OXR1: variants seen among roughly 807,000 people sequenced by gnomAD.
OXR1 encodes the protein oxidation resistance 1, also known as oxidation resistance protein 1.
A neutral mutation model predicts 104.6 loss-of-function variants in OXR1; 41 were observed. That is an observed-to-expected ratio of 0.39 (90% CI 0.31 to 0.51). The LOEUF is 0.51. Among genes scored for constraint, OXR1 ranks in the 20% least tolerant of loss-of-function variants. The probability of loss-of-function intolerance (pLI) is 0.77; values close to 1 mark genes in which losing one functional copy is unlikely to be tolerated. For missense variants in OXR1, 955 were observed against 1,031.9 expected, an observed-to-expected ratio of 0.93 and a Z score of 1.02; for synonymous variants, 348 against 348.4, an observed-to-expected ratio of 1.00 and a Z score of 0.01.
rs114473488 is a variant in OXR1 at position 106,632,234 on chromosome 8, G to C, written c.221-46976G>C. 5.1e-3 allele frequency among the ~76,000 whole-genome samples: 779 copies of C among 152,218 alleles called. 5 individuals carry two copies. The highest frequency in any genetic ancestry group is 0.017 in the African/African-American group (709 of 41,556). On this transcript the variant is annotated intron_variant, in intron 3 of 16. Coordinates refer to ENST00000517566, the MANE Select transcript of OXR1 (RefSeq NM_001198533.2). ...GTGAAAACAAATATTACCTTCAAGT[G>C]GTGTCTTCAAGTACATACCTAGTTT...
At chr8:106,457,370 A>G (rs1056683536) in intron 2 of OXR1, among the ~76,000 whole-genome samples, 5 of 152,240 alleles carry the variant, frequency 3.3e-5, no homozygotes, top group Non-Finnish European at 2.9e-5. Context: ...TTGATATTGG[A>G]CTTTCTAGTC....
chr8:106,274,049 A>G (rs1357118617), intron 1 of OXR1, among the ~76,000 whole-genome samples: 1 of 152,250 alleles, frequency 6.6e-6, no homozygotes, highest in African/African-American at 2.4e-5. Flanking sequence ...TCAGAGAAAA[A>G]TGTTAGACAA....
At chr8:106,283,773 AG>A (rs1812382790) in intron 1 of OXR1, among the ~76,000 whole-genome samples, 1 of 152,102 alleles carries the variant, frequency 6.6e-6, no homozygotes, top group South Asian at 2.1e-4. Flanking sequence ...TGGCTCTTTT[AG>A]GGTAAAATCT....
At chr8:106,617,791 A>G (rs1035743505) in intron 3 of OXR1, among the ~76,000 whole-genome samples, 11 of 152,206 alleles carry the variant, frequency 7.2e-5, no homozygotes, top group African/African-American at 2.4e-4. Context: ...CCATTTATTT[A>G]CTTTATGATA....
chr8:106,512,025 GT>G (rs1235428846), intron 2 of OXR1, among the ~76,000 whole-genome samples: 1 of 152,116 alleles, frequency 6.6e-6, no homozygotes, highest in African/African-American at 2.4e-5. Flanking sequence ...GAATGTTCAT[GT>G]TTGCTTTTTC....
chr8:106,536,600 C>T (rs1040646521), intron 3 of OXR1, among the ~76,000 whole-genome samples: 1 of 152,134 alleles, frequency 6.6e-6, no homozygotes, highest in African/African-American at 2.4e-5. Context: ...ATAGCAATCT[C>T]GCCAGCCATT....
At chr8:106,521,162 C>A (rs879935171) in intron 3 of OXR1, among the ~76,000 whole-genome samples, 1 of 152,092 alleles carries the variant, frequency 6.6e-6, no homozygotes, top group East Asian at 1.9e-4. Flanking sequence ...ATATTAGCAA[C>A]CGTATAATCA....
intron 2 of OXR1, among the ~76,000 whole-genome samples, chr8:106,455,183 C>G (rs549013674): frequency 6.1e-4 from 93 of 152,088 alleles, no homozygotes; most frequent in African/African-American, 2.2e-3. Context: ...CATCATTTAA[C>G]AAAGGATTTG....
At chr8:106,730,563 A>G (rs935113105) in intron 11 of OXR1, among the ~76,000 whole-genome samples, 2 of 152,046 alleles carry the variant, frequency 1.3e-5, no homozygotes, top group Non-Finnish European at 2.9e-5. Context: ...TTGACAGCTC[A>G]TTTCTTTTTA....
intron 6 of OXR1, 121 bp downstream of exon 6, chr8:106,684,480 G>A: frequency 1.6e-6 from 1 of 609,844 alleles, no homozygotes; most frequent in Non-Finnish European, 2.9e-6. Context: ...TTTTTATTTT[G>A]TTGCTTAAGT....
chr8:106,429,128 T>C (rs572795726), intron 2 of OXR1, among the ~76,000 whole-genome samples: 1 of 152,250 alleles, frequency 6.6e-6, no homozygotes, highest in African/African-American at 2.4e-5. Context: ...GCTCGCGTTC[T>C]GCCTCTTCCC....
At chr8:106,536,288 T>G (rs1445361524) in intron 3 of OXR1, among the ~76,000 whole-genome samples, 3 of 151,422 alleles carry the variant, frequency 2.0e-5, no homozygotes, top group Non-Finnish European at 3.0e-5. Context: ...GAAGCAGTTC[T>G]CTAGTTTGAC....
intron 3 of OXR1, among the ~76,000 whole-genome samples, chr8:106,628,451 G>A (rs1822368421): frequency 6.6e-6 from 1 of 151,964 alleles, no homozygotes; most frequent in Admixed American, 6.6e-5. Flanking sequence ...ACTTTCCCAA[G>A]GTCACACCTA....
At chr8:106,583,214 C>T (rs1375973646) in intron 3 of OXR1, among the ~76,000 whole-genome samples, 1 of 152,086 alleles carries the variant, frequency 6.6e-6, no homozygotes, top group Non-Finnish European at 1.5e-5. Flanking sequence ...TCCACTGACT[C>T]GTGACTCTAA....
chr8:106,568,263 A>C (rs1417068578), intron 3 of OXR1, among the ~76,000 whole-genome samples: 1 of 152,160 alleles, frequency 6.6e-6, no homozygotes, highest in African/African-American at 2.4e-5. Context: ...AAAAATGGAG[A>C]ACACGTACCT....
chr8:106,573,294 C>G (rs1817602703), intron 3 of OXR1, among the ~76,000 whole-genome samples: 1 of 151,664 alleles, frequency 6.6e-6, no homozygotes, highest in Non-Finnish European at 1.5e-5. Flanking sequence ...GGCCAAATGT[C>G]TGGGCACCCC....
intron 7 of OXR1, among the ~76,000 whole-genome samples, chr8:106,697,198 G>A (rs368109851): frequency 2.0e-5 from 3 of 152,280 alleles, no homozygotes; most frequent in African/African-American, 7.2e-5. Context: ...AAAAGAAGAG[G>A]CCAGTTGGTC....
At chr8:106,435,529 G>GT (rs1819535835) in intron 2 of OXR1, among the ~76,000 whole-genome samples, 1 of 152,106 alleles carries the variant, frequency 6.6e-6, no homozygotes. Context: ...TAAAGCCTGA[G>GT]TTATTCATAT....
intron 11 of OXR1, chr8:106,726,403 A>G: frequency 1.4e-6 from 1 of 696,358 alleles, no homozygotes; most frequent in Non-Finnish European, 2.3e-6. Context: ...GTTTAAGCAT[A>G]GAGGATATTT....
Sources: allele counts gnomAD v4.1 joint callset (sites outside exome capture counted in the v4.1 genomes callset), GRCh38; gene constraint gnomAD v4.1.1; transcripts MANE v1.5; gene names NCBI Gene and HGNC (gene_info 2026-07-23, HGNC 2026-07-21).